Variants in RRP9 observed in about 807,000 individuals in gnomAD.
The protein encoded by RRP9 is U3 small nucleolar RNA-interacting protein 2.
In RRP9, 35 loss-of-function variants were observed where a neutral mutation model predicts 65.5. The observed-to-expected ratio is 0.53, with a 90% CI of 0.41 to 0.71. The LOEUF is 0.71. RRP9 is among the 30% of genes least tolerant of loss of function. The pLI is 0.00. For missense variants in RRP9, 533 were observed against 633.6 expected, an observed-to-expected ratio of 0.84 and a Z score of 1.70; for synonymous variants, 254 against 245.0, an observed-to-expected ratio of 1.04 and a Z score of -0.34.
rs1008637612 is a variant in RRP9, at chr3:51,935,286, G to A, written c.972-27C>T. 2.5e-6 allele frequency: 4 copies of A among 1,614,040 alleles called. No individual in the cohort carries two copies. The African/African-American group carries it at 4.0e-5, about 16-fold the overall frequency. On this transcript the variant is annotated intron_variant, in intron 10 of 14. Coordinates refer to ENST00000232888, the MANE Select transcript of RRP9 (RefSeq NM_004704.5). ...TGGAGAAAGGGGCTGTGAGGAGCGT[G>A]GCCCAAGCCCACCCCCAGCCCATGT...
At chr3:51,941,127 G>C (rs1008430897) in intron 2 of RRP9, among the ~76,000 whole-genome samples, 4 of 152,244 alleles carry the variant, frequency 2.6e-5, no homozygotes, top group African/African-American at 7.2e-5. Context: ...AGAAATACTT[G>C]ACAGCTTTGT....
Position 51,941,735 on chromosome 3 carries a change from T to C in RRP9, c.87+46A>G, listed in dbSNP as rs1699536468. The stretch of plus-strand genomic sequence containing the variant: ...GGTCCCCTGGATGGGATGACGGTTG[T>C]CCCAGTAGCAGGGCTGACCGCGGCC... On this transcript the variant is annotated intron_variant, in intron 1 of 14. Transcript: ENST00000232888. 10 of 1,485,338 alleles carry C rather than the reference T, an allele frequency of 6.7e-6. No individual in the cohort carries two copies. The East Asian group carries it at 2.5e-4, about 36-fold the overall frequency. 92.0% of individuals were successfully genotyped at this position (1,485,338 alleles called of 1,614,324 possible).
chr3:51,941,301 A>T, intron 2 of RRP9, 108 bp downstream of exon 2: 1 of 975,028 alleles, frequency 1.0e-6, no homozygotes, highest in Non-Finnish European at 1.6e-6. Flanking sequence ...CTCAGAGCCA[A>T]GGGACAGAGT....
In RRP9 at chr3:51,936,442, C is replaced by T. The variant is rs528635363; in HGVS notation, c.631G>A (p.Gly211Ser). Residue 211 changes from glycine to serine, a missense_variant, in exon 7 of 15, where the codon GGC becomes AGC. Coordinates refer to ENST00000232888, the MANE Select transcript of RRP9 (RefSeq NM_004704.5). ...CAACCTGGCCTTACAAGGTACTTGC[C>T]GTCGGAGGAGATGGCCATGCAGAGG... ...HVLCMAISSD[G>S]KYLASGDRSK... The T allele has an allele frequency of 5.5e-5, 89 of 1,614,110 alleles. No individual in the cohort carries two copies. Among genetic ancestry groups the T allele is most frequent in the Middle Eastern group, 1.6e-4 (1 of 6,084 alleles).
In RRP9 at chr3:51,937,563, C is replaced by G; in HGVS notation, c.372G>C (p.Gln124His). The G allele has an allele frequency of 6.2e-7, 1 of 1,614,240 alleles. No homozygotes were observed. Among genetic ancestry groups the G allele is most frequent in the Non-Finnish European group, 8.5e-7 (1 of 1,180,040 alleles). ...EDVLEQRGRL[Q>H]KLVAKEIQAP... is the part of the protein sequence containing the mutation. The stretch of plus-strand genomic sequence containing the variant: ...CACTCACCTCTTTTGCCACCAACTT[C>G]TGCAGCCTGCCCCTCTGCTCAAGCT... The change falls in exon 5 of 15, where the codon CAG (glutamine) becomes CAC (histidine). Residue 124 changes from glutamine to histidine, a missense_variant. Gln to His is a conservative substitution (Grantham distance 24). Coordinates refer to ENST00000232888, the MANE Select transcript of RRP9 (RefSeq NM_004704.5). The surrounding 1 kb of genome is among the most constrained non-coding windows in gnomAD (Gnocchi z 5.0).
intron 14 of RRP9, 31 bp downstream of exon 14, chr3:51,933,677 C>G: frequency 6.2e-7 from 1 of 1,613,326 alleles, no homozygotes; most frequent in Non-Finnish European, 8.5e-7. Context: ...GCCTGCACCA[C>G]CTTACCTGAA....
At chr3:51,939,481 G>A (rs1034248713) in intron 2 of RRP9, among the ~76,000 whole-genome samples, 4 of 152,196 alleles carry the variant, frequency 2.6e-5, no homozygotes, top group Admixed American at 1.3e-4. Flanking sequence ...AACTCTAGGG[G>A]CAGTGGTTAG....
At chr3:51,939,323 G>C (rs1699491024) in intron 2 of RRP9, among the ~76,000 whole-genome samples, 1 of 152,352 alleles carries the variant, frequency 6.6e-6, no homozygotes. Flanking sequence ...ACAGCCAAGG[G>C]ACCTGTGTTA....
chr3:51,933,734 C>T lies in RRP9; in HGVS notation c.1308G>A (p.Leu436=). Reference sequence around the variant, plus strand: ...TGTGCTCCTGCCCTACCCCAGCCACCAGGAAGTCCCCAGAGCTGGAGAACT... The same window carrying T: ...TGTGCTCCTGCCCTACCCCAGCCACTAGGAAGTCCCCAGAGCTGGAGAACT... ...SLKFSSSGDF[L]VAGVGQEHRL... The change falls in exon 14 of 15, where the codon CTG becomes CTA. Residue 436 remains leucine, a synonymous_variant. Coordinates refer to ENST00000232888, the MANE Select transcript of RRP9 (RefSeq NM_004704.5). The T allele has an allele frequency of 6.2e-7, 1 of 1,614,148 alleles. No homozygotes were observed. The highest frequency in any genetic ancestry group is 8.5e-7 in the Non-Finnish European group (1 of 1,180,022).
intron 1 of RRP9, 74 bp downstream of exon 1, chr3:51,941,707 C>T (rs1699535860): frequency 7.3e-7 from 1 of 1,375,176 alleles, no homozygotes; most frequent in South Asian, 1.2e-5. Context: ...GGGCCGGGAC[C>T]CAGGTCCCCT....
rs763095028 is a variant in RRP9, at chr3:51,937,175, C to G, written c.517+17G>C. On this transcript the variant is annotated intron_variant, in intron 6 of 14. Transcript: ENST00000232888. This position sits in a 1 kb window ranked among gnomAD's most constrained non-coding sequence, Gnocchi z 5.0. ...ATCCGCCATGGGGGCTCCAGCCCCA[C>G]CCAGGCACTCACTCACACTTAATGA... 3 of 1,612,116 alleles carry G rather than the reference C, an allele frequency of 1.9e-6. No homozygotes were observed. The highest frequency in any genetic ancestry group is 8.5e-7 in the Non-Finnish European group (1 of 1,179,172).
At position 51,935,390 on chromosome 3, in the gene RRP9, C is replaced by T. The variant is rs760764528; in HGVS notation, c.923G>A (p.Arg308His). 26 of 1,614,050 alleles carry T rather than the reference C, an allele frequency of 1.6e-5. No homozygotes were observed. The highest frequency in any genetic ancestry group is 5.5e-5 in the South Asian group (5 of 91,084). ...VTAGGRDGTV[R>H]VWKIPEESQL... is the part of the protein sequence containing the mutation. The stretch of plus-strand genomic sequence containing the variant: ...GGACTCCTCGGGGATCTTCCACACA[C>T]GTACAGTCCCATCCCGGCCCCCAGC... The change falls in exon 10 of 15, where the codon CGT becomes CAT. Residue 308 changes from arginine (R) to histidine (H), a missense_variant. Coordinates refer to ENST00000232888, the MANE Select transcript of RRP9 (RefSeq NM_004704.5).
chr3:51,935,351 T>C lies in RRP9; in HGVS notation c.962A>G (p.Tyr321Cys), dbSNP rs749121006. 9 of 1,614,048 alleles carry C rather than the reference T, an allele frequency of 5.6e-6. No individual in the cohort carries two copies. The highest frequency in any genetic ancestry group is 2.2e-5 in the East Asian group (1 of 44,870). The change falls in exon 10 of 15, where the codon TAT (tyrosine) becomes TGT (cysteine). Residue 321 changes from tyrosine to cysteine, a missense_variant. Transcript: ENST00000232888. Reference sequence around the variant, plus strand: ...TGGCAGGCCACCTTACTGGTGGCCATAGAAGACAAGCTGGGACTCCTCGGG... The same window carrying C: ...TGGCAGGCCACCTTACTGGTGGCCACAGAAGACAAGCTGGGACTCCTCGGG... ...KIPEESQLVF[Y>C]GHQGSIDCIH...
intron 6 of RRP9, 101 bp from the exon 7 acceptor site, chr3:51,936,656 T>G: frequency 7.6e-7 from 1 of 1,307,330 alleles, no homozygotes; most frequent in Non-Finnish European, 1.1e-6. Context: ...ATGGCAAATG[T>G]CCCGGACTCG....
At chr3:51,939,390 T>C (rs529238111) in intron 2 of RRP9, among the ~76,000 whole-genome samples, 31 of 152,356 alleles carry the variant, frequency 2.0e-4, no homozygotes, top group African/African-American at 7.2e-4. Flanking sequence ...GAAGGATTCA[T>C]ACGCATGAGA....
rs148178643 is a variant in RRP9, at chr3:51,938,164, G to GCTC, written c.208_210dup (p.Glu70dup). ...TTCTTTTCCTGTGCAGTTTCCTCCA[G>GCTC]CTCCTCCTCCTCCTCCTCCTCAGGC... On this transcript the variant is annotated inframe_insertion, in exon 3 of 15. Coordinates refer to ENST00000232888, the MANE Select transcript of RRP9 (RefSeq NM_004704.5). The GCTC allele has an allele frequency of 2.8e-4, 449 of 1,593,442 alleles. 1 individual carries two copies. The highest frequency in any genetic ancestry group is 1.3e-3 in the African/African-American group (100 of 74,574).
Position 51,935,322 on chromosome 3 carries a change from G to C in RRP9, c.971+20C>G, listed in dbSNP as rs756715087. ...ACCCCCAGCCCATGTAGCCCCCACT[G>C]GCATGGCAGGCCACCTTACTGGTGG... is the stretch of plus-strand genomic sequence containing the variant. On this transcript the variant is annotated intron_variant, in intron 10 of 14. Coordinates refer to ENST00000232888, the MANE Select transcript of RRP9 (RefSeq NM_004704.5). 6.8e-6 allele frequency: 11 copies of C among 1,614,004 alleles called. No homozygotes were observed. Among genetic ancestry groups the C allele is most frequent in the Non-Finnish European group, 9.3e-6 (11 of 1,180,008 alleles).
In RRP9 at chr3:51,937,471, C is replaced by T; in HGVS notation, c.390+74G>A. ...CAGATCCTTACCTGACCAGATAGGC[C>T]CAAGTGTCCACCATGTTCCAAGTGG... On this transcript the variant is annotated intron_variant, in intron 5 of 14. Coordinates refer to ENST00000232888, the MANE Select transcript of RRP9 (RefSeq NM_004704.5). The surrounding 1 kb of genome is among the most constrained non-coding windows in gnomAD (Gnocchi z 5.0). The T allele has an allele frequency of 6.2e-7, 1 of 1,607,614 alleles. No individual in the cohort carries two copies. The highest frequency in any genetic ancestry group is 8.5e-7 in the Non-Finnish European group (1 of 1,174,250).
At chr3:51,940,749 G>C (rs944828134) in intron 2 of RRP9, among the ~76,000 whole-genome samples, 1 of 151,958 alleles carries the variant, frequency 6.6e-6, no homozygotes, top group African/African-American at 2.4e-5. Flanking sequence ...CTGACATCAA[G>C]CAATCCTCCC....
Sources: gnomAD v4.1 joint callset for allele counts (sites outside exome capture counted in the v4.1 genomes callset) on GRCh38, gnomAD v4.1.1 for gene constraint, Gnocchi (gnomAD v3.1) non-coding constraint, MANE v1.5 for transcripts, NCBI Gene and HGNC (gene_info 2026-07-23, HGNC 2026-07-21) for gene names.